Variants in TPT1 observed in about 807,000 individuals in gnomAD.
The protein encoded by TPT1 is tumor protein, translationally-controlled 1, also known as translationally-controlled tumor protein.
TPT1 carries 5 observed loss-of-function variants against 22.8 expected under a neutral mutation model. That is an observed-to-expected ratio of 0.22 (90% CI 0.11 to 0.46). TPT1 has a LOEUF of 0.46. Among genes scored for constraint, TPT1 ranks in the 20% least tolerant of loss-of-function variants. TPT1 has a pLI of 0.99. For missense variants in TPT1, 130 were observed against 218.7 expected, an observed-to-expected ratio of 0.59 and a Z score of 2.56; for synonymous variants, 89 against 73.6, an observed-to-expected ratio of 1.21 and a Z score of -1.07.
chr13:45,339,589 G>A lies in TPT1; in HGVS notation c.307C>T (p.Leu103Phe), dbSNP rs1878942991. The change falls in exon 4 of 6, where the codon CTT (leucine) becomes TTT (phenylalanine). Residue 103 changes from leucine to phenylalanine, a missense_variant. Physicochemically the swap from Leu to Phe is conservative, Grantham distance 22. Coordinates refer to ENST00000530705, the MANE Select transcript of TPT1 (RefSeq NM_003295.4). ...ACTCTTTCTGGTCTCTGTTCTTCAA[G>A]TTTCCCTTTGATTCTAAAACAACAT... ...KDYMKSIKGK[L>F]EEQRPERVKP... is the part of the protein sequence containing the mutation. 6.2e-7 allele frequency: 1 copy of A among 1,612,366 alleles called. No individual in the cohort carries two copies.
chr13:45,337,403 A>G lies in TPT1; in HGVS notation c.517-15T>C. ...CACATTTGTTACTGTAAAAGCAAAA[A>G]CTACATTAATATTTTTCAAACATTA... On this transcript the variant is annotated splice_polypyrimidine_tract_variant and intron_variant, in intron 5 of 5. Coordinates refer to ENST00000530705, the MANE Select transcript of TPT1 (RefSeq NM_003295.4). The G allele has an allele frequency of 1.2e-6, 2 of 1,614,124 alleles. No individual in the cohort carries two copies. The highest frequency in any genetic ancestry group is 1.7e-6 in the Non-Finnish European group (2 of 1,180,008).
rs765209605 is a variant in TPT1 at position 45,339,483 on chromosome 13, C to T, written c.399+14G>A. On this transcript the variant is annotated intron_variant, in intron 4 of 5. Coordinates refer to ENST00000530705, the MANE Select transcript of TPT1 (RefSeq NM_003295.4). ...ATTGTACAATCCTTTGATCCAGATA[C>T]TTAAGGTATTTACCTGGTAGTTTTT... 1.0e-5 allele frequency: 16 copies of T among 1,603,728 alleles called. No individual in the cohort carries two copies. The highest frequency in any genetic ancestry group is 1.3e-5 in the African/African-American group (1 of 74,578).
intron 4 of TPT1, 97 bp from the exon 5 acceptor site, chr13:45,338,873 CA>C (rs908093152): frequency 9.7e-7 from 1 of 1,028,254 alleles, no homozygotes. Context: ...TAGACCACCA[CA>C]AAAATCAAAA....
intron 5 of TPT1, chr13:45,338,103 G>T: frequency 6.2e-6 from 1 of 160,624 alleles, no homozygotes; most frequent in Non-Finnish European, 1.4e-5. Flanking sequence ...GGTGTTCTCT[G>T]ATCTCCTTCA....
chr13:45,340,674 G>A, intron 2 of TPT1, 38 bp downstream of exon 2: 2 of 1,558,216 alleles, frequency 1.3e-6, no homozygotes, highest in African/African-American at 1.4e-5. Context: ...GAGCCCGCTC[G>A]GCCCGGACTC....
chr13:45,340,237 A>C (rs1039786094), intron 2 of TPT1, 53 bp from the exon 3 acceptor site: 27 of 1,563,424 alleles, frequency 1.7e-5, no homozygotes, highest in African/African-American at 2.7e-5. Flanking sequence ...CATCCAAAGC[A>C]CCTTCCACGC....
At position 45,341,102 on chromosome 13, in the gene TPT1, A is replaced by G. The variant is rs752572384; in HGVS notation, c.-33T>C. 1.2e-6 allele frequency: 2 copies of G among 1,611,576 alleles called. No individual in the cohort carries two copies. Among genetic ancestry groups the G allele is most frequent in the Non-Finnish European group, 1.7e-6 (2 of 1,178,792 alleles). The stretch of plus-strand genomic sequence containing the variant: ...ACTGAAGGGAGACGACGACGGCGCT[A>G]GCTTAGCACGAGCCTGAAACTCGGA... On this transcript the variant is annotated 5_prime_UTR_variant, in exon 1 of 6. Coordinates refer to ENST00000530705, the MANE Select transcript of TPT1 (RefSeq NM_003295.4).
Position 45,340,344 on chromosome 13 carries a change from G to C in TPT1, c.103-160C>G, listed in dbSNP as rs770091714. ...TTGTGACCCGTGGATTTCTCAAAAC[G>C]ACCTAACTTAAAAGAGTTGTCTGTT... On this transcript the variant is annotated intron_variant, in intron 2 of 5. Coordinates refer to ENST00000530705, the MANE Select transcript of TPT1 (RefSeq NM_003295.4). The C allele has an allele frequency of 4.5e-5, 47 of 1,034,590 alleles. 2 individuals carry two copies. In the South Asian group the frequency reaches 6.5e-4, roughly 14 times the overall value. The allele number at this position is 1,034,590 out of a possible 1,614,324, so 64.1% of individuals were successfully genotyped here.
intron 5 of TPT1, among the ~76,000 whole-genome samples, chr13:45,338,028 C>T (rs1353020167): frequency 6.6e-6 from 1 of 152,182 alleles, no homozygotes. Context: ...TGATACTGAT[C>T]CATACGTATA....
In TPT1 at chr13:45,340,735, A is replaced by G. The variant is rs1432782619; in HGVS notation, c.79T>C (p.Leu27=). 1 of 1,524,192 alleles carries G rather than the reference A, an allele frequency of 6.6e-7. No individual in the cohort carries two copies. The highest frequency in any genetic ancestry group is 8.8e-7 in the Non-Finnish European group (1 of 1,137,374). 94.4% of individuals were successfully genotyped at this position (1,524,192 alleles called of 1,614,324 possible). A position where few individuals can be genotyped will look rare whatever the true frequency, so the allele number is the denominator to read the frequency against. The change falls in exon 2 of 6, where the codon TTG becomes CTG. Residue 27 remains leucine, a synonymous_variant. Coordinates refer to ENST00000530705, the MANE Select transcript of TPT1 (RefSeq NM_003295.4). ...IYKIREIADG[L]CLEVEGKMVS... The stretch of plus-strand genomic sequence containing the variant: ...ACCTTCCCCTCCACCTCCAGGCACA[A>G]CCCGTCCGCGATCTCCCGGATCTTG...
rs1878570551 is a variant in TPT1 at position 45,334,817 on chromosome 13, C to A, written c.*2569G>T. 1.3e-5 allele frequency: 2 copies of A among 152,338 alleles called. No individual in the cohort carries two copies. The highest frequency in any genetic ancestry group is 1.3e-4 in the Admixed American group (2 of 15,300). The allele number at this position is 152,338 out of a possible 1,614,324, so 9.4% of individuals were successfully genotyped here. A position where few individuals can be genotyped will look rare whatever the true frequency, so the allele number is the denominator to read the frequency against. On this transcript the variant is annotated 3_prime_UTR_variant, in exon 6 of 6. Coordinates refer to ENST00000530705, the MANE Select transcript of TPT1 (RefSeq NM_003295.4). ...TCTGGTCTTCCTTCCTTGCACACTC[C>A]CACTGCTTTACAACCCTTCCTGTCT... is the stretch of plus-strand genomic sequence containing the variant.
chr13:45,341,133 C>A lies in TPT1; in HGVS notation c.-64G>T. 1 of 1,598,078 alleles carries A rather than the reference C, an allele frequency of 6.3e-7. No individual in the cohort carries two copies. The highest frequency in any genetic ancestry group is 1.1e-5 in the South Asian group (1 of 89,228). On this transcript the variant is annotated 5_prime_UTR_variant, in exon 1 of 6. Transcript: ENST00000530705. Reference sequence around the variant, plus strand: ...GCACGAGCCTGAAACTCGGAGCGAGCGCGGTGCAGCCGGAGCGGCGCTCGG... The same window carrying A: ...GCACGAGCCTGAAACTCGGAGCGAGAGCGGTGCAGCCGGAGCGGCGCTCGG...
Position 45,336,966 on chromosome 13 carries a change from A to G in TPT1, c.*420T>C. On this transcript the variant is annotated 3_prime_UTR_variant, in exon 6 of 6. Coordinates refer to ENST00000530705, the MANE Select transcript of TPT1 (RefSeq NM_003295.4). ...AAATGGGTAAGGCTCCACACTTCAG[A>G]TGTTGGCACTGCTATGAGCATGGTC... The G allele has an allele frequency of 5.3e-6, 1 of 187,506 alleles. No individual in the cohort carries two copies. The highest frequency in any genetic ancestry group is 1.1e-5 in the Non-Finnish European group (1 of 89,870). The allele number at this position is 187,506 out of a possible 1,614,324, so 11.6% of individuals were successfully genotyped here.
intron 5 of TPT1, among the ~76,000 whole-genome samples, chr13:45,338,002 C>A (rs1206599908): frequency 2.6e-5 from 4 of 152,110 alleles, no homozygotes; most frequent in African/African-American, 9.7e-5. Context: ...TATCAGTAAA[C>A]CAAAGTGAAA....
rs373730145 is a variant in TPT1, at chr13:45,339,974, G to C, written c.293+20C>G. On this transcript the variant is annotated intron_variant, in intron 3 of 5. Transcript: ENST00000530705. ...CTGTAAGATTCTAGACATCAGCTAGGTACTGCCAGTATCACTTACGATTTC... is the reference window on the plus strand; with the variant it reads ...CTGTAAGATTCTAGACATCAGCTAGCTACTGCCAGTATCACTTACGATTTC... 16 of 1,612,768 alleles carry C rather than the reference G, an allele frequency of 9.9e-6. No homozygotes were observed. The highest frequency in any genetic ancestry group is 8.0e-5 in the African/African-American group (6 of 74,878).
In TPT1 at chr13:45,334,511, T is replaced by C. The variant is rs1005578313; in HGVS notation, c.*2875A>G. On this transcript the variant is annotated 3_prime_UTR_variant, in exon 6 of 6. Transcript: ENST00000530705. Reference sequence around the variant, plus strand: ...CAAAACTAACAAAACTAAACTCGACTTCCCACCTCAGTGCCAACTTTCTTC... The same window carrying C: ...CAAAACTAACAAAACTAAACTCGACCTCCCACCTCAGTGCCAACTTTCTTC... The C allele has an allele frequency of 6.6e-6, 1 of 152,222 alleles. No homozygotes were observed. The highest frequency in any genetic ancestry group is 1.5e-5 in the Non-Finnish European group (1 of 68,054). The allele number at this position is 152,222 out of a possible 1,614,324, so 9.4% of individuals were successfully genotyped here. A position where few individuals can be genotyped will look rare whatever the true frequency, so the allele number is the denominator to read the frequency against.
chr13:45,339,264 A>G, intron 4 of TPT1: 1 of 421,758 alleles, frequency 2.4e-6, no homozygotes, highest in Non-Finnish European at 4.2e-6. Flanking sequence ...ATTGTAAGCA[A>G]AAAACTGAAA....
intron 1 of TPT1, 65 bp from the exon 2 acceptor site, chr13:45,340,850 G>T (rs754976276): frequency 1.9e-5 from 28 of 1,471,688 alleles, no homozygotes; most frequent in Non-Finnish European, 1.1e-5. Context: ...CATTTCCCGC[G>T]CCGGCGGCCG....
At chr13:45,338,940 T>G (rs1049570073) in intron 4 of TPT1, 164 bp from the exon 5 acceptor site, 3 of 560,310 alleles carry the variant, frequency 5.4e-6, no homozygotes, top group Non-Finnish European at 9.2e-6. Context: ...TTCACTGGAT[T>G]AAGGCACCTT....
Sources: gnomAD v4.1 joint callset for allele counts (sites outside exome capture counted in the v4.1 genomes callset) on GRCh38, gnomAD v4.1.1 for gene constraint, MANE v1.5 for transcripts, NCBI Gene and HGNC (gene_info 2026-07-23, HGNC 2026-07-21) for gene names.